The following ZSWIM6 variants were observed in gnomAD, a reference collection of about 807,000 sequenced individuals.
The protein encoded by ZSWIM6 is zinc finger SWIM-type containing 6.
In ZSWIM6, 9 loss-of-function variants were observed where a neutral mutation model predicts 113.2. That is an observed-to-expected ratio of 0.08 (90% CI 0.05 to 0.14). The LOEUF (loss-of-function observed/expected upper bound fraction) is 0.14. ZSWIM6 is among the 10% of genes least tolerant of loss of function. The probability of loss-of-function intolerance (pLI) is 1.00; values close to 1 mark genes in which losing one functional copy is unlikely to be tolerated. For missense variants in ZSWIM6, 1,162 were observed against 1,552.2 expected (o/e 0.75, Z 4.22); for synonymous variants, 611 against 606.5 (o/e 1.01, Z -0.11).
chr5:61,336,320 T>A (rs1744393988), intron 1 of ZSWIM6, among the ~76,000 whole-genome samples: 1 of 152,190 alleles, frequency 6.6e-6, no homozygotes, highest in East Asian at 1.9e-4. Flanking sequence ...CTATAGGTGC[T>A]GGTATATAAG....
chr5:61,340,371 G>A (rs1267398924), intron 1 of ZSWIM6, among the ~76,000 whole-genome samples: 1 of 152,126 alleles, frequency 6.6e-6, no homozygotes, highest in Admixed American at 6.5e-5. Flanking sequence ...ATGTGATGAT[G>A]TCCACAGGTG....
At chr5:61,490,713 G>A in intron 2 of ZSWIM6, 73 bp from the exon 3 acceptor site, 1 of 1,421,780 alleles carries the variant, frequency 7.0e-7, no homozygotes, top group Non-Finnish European at 9.4e-7. Context: ...TAGGCAAAAA[G>A]AGTCTTAATT....
chr5:61,486,588 C>T lies in ZSWIM6; in HGVS notation c.1034-4198C>T, dbSNP rs528221511. Among the ~76,000 whole-genome samples, 4 of 152,266 alleles carry T rather than the reference C, an allele frequency of 2.6e-5. No homozygotes were observed. In the East Asian group the frequency reaches 7.7e-4, roughly 29 times the overall value. ...GTGTATAAGAGCTCTATTTTCTCTA[C>T]ATCCTCACCAACATCTGTTATTTTT... On this transcript the variant is annotated intron_variant, in intron 2 of 13. Transcript: ENST00000252744.
rs1242734081 is a variant in ZSWIM6 at position 61,544,938 on chromosome 5, A to G, written c.*621A>G. The stretch of plus-strand genomic sequence containing the variant: ...AGGGATTTATCCAAAAAAATTAAAA[A>G]AAGAATGAGAGCATTTATTGTACTG... On this transcript the variant is annotated 3_prime_UTR_variant, in exon 14 of 14. Coordinates refer to ENST00000252744, the MANE Select transcript of ZSWIM6 (RefSeq NM_020928.2). 6.6e-6 allele frequency: 1 copy of G among 152,188 alleles called. No individual in the cohort carries two copies. Among genetic ancestry groups the G allele is most frequent in the Non-Finnish European group, 1.5e-5 (1 of 68,048 alleles). 9.4% of individuals were successfully genotyped at this position (152,188 alleles called of 1,614,324 possible).
intron 1 of ZSWIM6, among the ~76,000 whole-genome samples, chr5:61,463,982 TC>T (rs1410479619): frequency 6.6e-6 from 1 of 151,770 alleles, no homozygotes; most frequent in Non-Finnish European, 1.5e-5. Context: ...TGCCTCTCCT[TC>T]ATCTATCTTT....
intron 11 of ZSWIM6, 96 bp from the exon 12 acceptor site, chr5:61,539,500 C>T: frequency 7.5e-7 from 1 of 1,332,654 alleles, no homozygotes; most frequent in East Asian, 2.6e-5. Context: ...CTTTTTTCCC[C>T]CTCTGTGTGT....
intron 1 of ZSWIM6, among the ~76,000 whole-genome samples, chr5:61,405,924 C>A (rs542618698): frequency 6.6e-6 from 1 of 152,234 alleles, no homozygotes; most frequent in Admixed American, 6.5e-5. Context: ...AAAGAAAATA[C>A]CTTTAAAGAC....
intron 1 of ZSWIM6, among the ~76,000 whole-genome samples, chr5:61,423,536 T>C (rs1579989074): frequency 1.3e-5 from 2 of 152,254 alleles, no homozygotes; most frequent in Admixed American, 1.3e-4. Flanking sequence ...TAGTTTCTTA[T>C]CTTAGGTGAT....
chr5:61,429,837 T>A (rs922371276), intron 1 of ZSWIM6, among the ~76,000 whole-genome samples: 1 of 152,096 alleles, frequency 6.6e-6, no homozygotes, highest in Non-Finnish European at 1.5e-5. Flanking sequence ...TGGGTACTGA[T>A]CACATTGTCT....
At chr5:61,339,589 A>G (rs886948888) in intron 1 of ZSWIM6, among the ~76,000 whole-genome samples, 4 of 152,220 alleles carry the variant, frequency 2.6e-5, no homozygotes, top group Middle Eastern at 3.2e-3. Flanking sequence ...TATAGGGGCA[A>G]TCATTAAACT....
chr5:61,527,174 A>G (rs1246081325), intron 7 of ZSWIM6, among the ~76,000 whole-genome samples: 1 of 152,168 alleles, frequency 6.6e-6, no homozygotes, highest in Non-Finnish European at 1.5e-5. Flanking sequence ...CATGCACAAG[A>G]CCCTGATCAG....
chr5:61,341,403 A>G (rs1218432042), intron 1 of ZSWIM6, among the ~76,000 whole-genome samples: 2 of 152,198 alleles, frequency 1.3e-5, no homozygotes, highest in Non-Finnish European at 2.9e-5. Context: ...TTCAATGTTT[A>G]ATATTAGAAG....
At chr5:61,346,960 A>G (rs1347542689) in intron 1 of ZSWIM6, among the ~76,000 whole-genome samples, 2 of 152,224 alleles carry the variant, frequency 1.3e-5, no homozygotes, top group East Asian at 3.8e-4. Context: ...AAAAGTACAG[A>G]TTCAAGTTTC....
chr5:61,341,310 G>A (rs1233026818), intron 1 of ZSWIM6, among the ~76,000 whole-genome samples: 1 of 152,136 alleles, frequency 6.6e-6, no homozygotes, highest in Non-Finnish European at 1.5e-5. Flanking sequence ...CTGGCCACCT[G>A]CTACCTTGAA....
intron 1 of ZSWIM6, among the ~76,000 whole-genome samples, chr5:61,366,100 G>A (rs934561846): frequency 1.3e-5 from 2 of 152,074 alleles, no homozygotes; most frequent in Non-Finnish European, 2.9e-5. Context: ...TCACCATGTT[G>A]CCCAGTCTGG....
chr5:61,366,487 A>G (rs1426024042), intron 1 of ZSWIM6, among the ~76,000 whole-genome samples: 1 of 152,234 alleles, frequency 6.6e-6, no homozygotes, highest in Non-Finnish European at 1.5e-5. Flanking sequence ...CAATGTCCAC[A>G]CACTGAAGTT....
chr5:61,511,134 A>G (rs747256595), intron 4 of ZSWIM6, among the ~76,000 whole-genome samples: 3 of 152,190 alleles, frequency 2.0e-5, no homozygotes, highest in Non-Finnish European at 4.4e-5. Flanking sequence ...GACCATATCT[A>G]TTATAGCTTT....
intron 1 of ZSWIM6, among the ~76,000 whole-genome samples, chr5:61,386,724 T>A (rs937995472): frequency 1.3e-5 from 2 of 152,174 alleles, no homozygotes; most frequent in African/African-American, 2.4e-5. Context: ...TATTTTGAGA[T>A]TCTGAAGTTT....
intron 2 of ZSWIM6, among the ~76,000 whole-genome samples, chr5:61,483,382 A>G (rs1244522903): frequency 2.0e-5 from 3 of 152,162 alleles, no homozygotes; most frequent in African/African-American, 7.2e-5. Flanking sequence ...TACTGCCACA[A>G]TGGGGTTTAA....
Sources: allele counts gnomAD v4.1 joint callset (sites outside exome capture counted in the v4.1 genomes callset), GRCh38; gene constraint gnomAD v4.1.1; transcripts MANE v1.5; gene names NCBI Gene and HGNC (gene_info 2026-07-23, HGNC 2026-07-21).